The following SULF1 variants were observed in gnomAD, a reference collection of about 807,000 sequenced individuals.
SULF1 encodes sulfatase 1.
Under a neutral mutation model 110.5 loss-of-function variants are expected in SULF1, and 46 were observed. The observed-to-expected ratio is 0.42, with a 90% CI of 0.33 to 0.53. The LOEUF is 0.53. SULF1 is among the 20% of genes least tolerant of loss of function. The pLI is 0.12. For missense variants in SULF1, 941 were observed against 1,094.2 expected (o/e 0.86, Z 1.98); for synonymous variants, 371 against 387.1 (o/e 0.96, Z 0.49).
intron 8 of SULF1, among the ~76,000 whole-genome samples, chr8:69,593,268 T>C (rs1807039690): frequency 6.6e-6 from 1 of 152,214 alleles, no homozygotes; most frequent in Admixed American, 6.5e-5. Flanking sequence ...CCGATGGTAG[T>C]GCATGGAACT....
At chr8:69,516,994 TGTCTTA>T (rs1369951091) in intron 3 of SULF1, among the ~76,000 whole-genome samples, 4 of 152,208 alleles carry the variant, frequency 2.6e-5, no homozygotes, top group African/African-American at 9.6e-5. Context: ...TTTACCCTGC[TGTCTTA>T]GTCCATTTTC....
In SULF1 at chr8:69,629,551, A is replaced by G; in HGVS notation, c.2156A>G (p.Asn719Ser). ...AGCAAACTGCAACTTTTCAAGGAGA[A>G]CAACCGTAGGAGGAAGAAGGAGAGG... is the stretch of plus-strand genomic sequence containing the variant. ...VDSKLQLFKE[N>S]NRRRKKERKE... The change falls in exon 19 of 23, where the codon AAC becomes AGC. Residue 719 changes from asparagine to serine, a missense_variant. By Grantham distance (46) the Asn-to-Ser change is conservative. Coordinates refer to ENST00000402687, the MANE Select transcript of SULF1 (RefSeq NM_001128205.2). 1 of 1,610,588 alleles carries G rather than the reference A, an allele frequency of 6.2e-7. No individual in the cohort carries two copies. The highest frequency in any genetic ancestry group is 8.5e-7 in the Non-Finnish European group (1 of 1,179,898).
intron 3 of SULF1, among the ~76,000 whole-genome samples, chr8:69,505,654 C>G (rs971847660): frequency 7.9e-5 from 12 of 152,066 alleles, no homozygotes; most frequent in African/African-American, 1.7e-4. Context: ...GATGTGGACC[C>G]TAAAACTTAT....
chr8:69,589,298 G>A (rs113623866), intron 8 of SULF1, among the ~76,000 whole-genome samples, 157 bp downstream of exon 8: 208 of 152,324 alleles, frequency 1.4e-3, no homozygotes, highest in African/African-American at 4.7e-3. Context: ...AACAGGCAGA[G>A]CCGCTGAGCC....
chr8:69,574,065 C>A (rs1274749058), intron 5 of SULF1, among the ~76,000 whole-genome samples: 1 of 152,168 alleles, frequency 6.6e-6, no homozygotes, highest in Non-Finnish European at 1.5e-5. Flanking sequence ...GTGTGCCCTC[C>A]TCAATCCACA....
chr8:69,567,431 C>G (rs1462931754), intron 5 of SULF1, among the ~76,000 whole-genome samples: 1 of 152,090 alleles, frequency 6.6e-6, no homozygotes. Flanking sequence ...TGTAACCCAT[C>G]TCCAGAACTC....
intron 6 of SULF1, among the ~76,000 whole-genome samples, chr8:69,579,333 C>T (rs1185943035): frequency 6.6e-6 from 1 of 151,836 alleles, no homozygotes; most frequent in Non-Finnish European, 1.5e-5. Flanking sequence ...ATGGGCGTAT[C>T]ACCTGAGGTC....
intron 5 of SULF1, among the ~76,000 whole-genome samples, chr8:69,565,074 G>T (rs1420346060): frequency 6.6e-6 from 1 of 152,156 alleles, no homozygotes; most frequent in Non-Finnish European, 1.5e-5. Flanking sequence ...GCTGGCACTT[G>T]GTCTCCATGG....
At chr8:69,576,912 A>G (rs1046772791) in intron 6 of SULF1, among the ~76,000 whole-genome samples, 8 of 152,240 alleles carry the variant, frequency 5.3e-5, no homozygotes, top group African/African-American at 1.9e-4. Context: ...AATGACTTTC[A>G]GGCCTACAAT....
chr8:69,560,463 C>A (rs1386766603), intron 3 of SULF1, among the ~76,000 whole-genome samples: 1 of 152,106 alleles, frequency 6.6e-6, no homozygotes, highest in Non-Finnish European at 1.5e-5. Context: ...ACCATAACTA[C>A]AACTGCTGTT....
At chr8:69,535,574 C>T (rs1427233999) in intron 3 of SULF1, among the ~76,000 whole-genome samples, 2 of 152,088 alleles carry the variant, frequency 1.3e-5, no homozygotes, top group Non-Finnish European at 2.9e-5. Context: ...GCAAATAGGG[C>T]CTCTAGCGTT....
chr8:69,523,728 G>A (rs188482402), intron 3 of SULF1, among the ~76,000 whole-genome samples: 36 of 152,208 alleles, frequency 2.4e-4, no homozygotes, highest in Admixed American at 3.3e-4. Context: ...ATCAGGGGCC[G>A]GTGAAGGAGT....
At chr8:69,551,675 G>A (rs1380673240) in intron 3 of SULF1, among the ~76,000 whole-genome samples, 1 of 152,174 alleles carries the variant, frequency 6.6e-6, no homozygotes, top group South Asian at 2.1e-4. Context: ...CAGCCTTCAC[G>A]GAAGAGACTT....
At chr8:69,569,145 A>G (rs1445618791) in intron 5 of SULF1, among the ~76,000 whole-genome samples, 2 of 152,140 alleles carry the variant, frequency 1.3e-5, no homozygotes, top group Non-Finnish European at 2.9e-5. Flanking sequence ...CATTCCTAGG[A>G]AATTGACCTG....
At chr8:69,560,582 C>A (rs1174965458) in intron 3 of SULF1, among the ~76,000 whole-genome samples, 1 of 152,186 alleles carries the variant, frequency 6.6e-6, no homozygotes, top group Non-Finnish European at 1.5e-5. Context: ...AACCTTTCTG[C>A]ATTTCTTTCA....
At chr8:69,642,427 T>C in intron 22 of SULF1, 2 of 985,270 alleles carry the variant, frequency 2.0e-6, no homozygotes, top group African/African-American at 1.7e-5. Flanking sequence ...TTCTATTTTC[T>C]CTTGTTCTTC....
chr8:69,502,690 C>CTT (rs765285613), intron 3 of SULF1, among the ~76,000 whole-genome samples: 40,295 of 125,402 alleles, frequency 0.32, 6,389 homozygotes, highest in African/African-American at 0.36. Context: ...CTTTTTTTTT[C>CTT]TTTTTTTTTT....
At chr8:69,594,421 C>T (rs984709448) in intron 8 of SULF1, among the ~76,000 whole-genome samples, 6 of 136,404 alleles carry the variant, frequency 4.4e-5, no homozygotes, top group African/African-American at 6.2e-5. Flanking sequence ...TGTGCATGTA[C>T]ACTCACACAC....
intron 22 of SULF1, among the ~76,000 whole-genome samples, chr8:69,655,141 T>C (rs1447779560): frequency 6.6e-6 from 1 of 152,214 alleles, no homozygotes; most frequent in Non-Finnish European, 1.5e-5. Context: ...GCTACTGGCA[T>C]TGGTTGCTCC....
Sources: gnomAD v4.1 joint callset for allele counts (sites outside exome capture counted in the v4.1 genomes callset) on GRCh38, gnomAD v4.1.1 for gene constraint, MANE v1.5 for transcripts, NCBI Gene and HGNC (gene_info 2026-07-23, HGNC 2026-07-21) for gene names.